PAX5: variants seen among roughly 807,000 people sequenced by gnomAD.
The protein encoded by PAX5 is paired box 5, also known as paired box protein Pax-5.
In PAX5, 9 loss-of-function variants were observed where a neutral mutation model predicts 43.7. That is an observed-to-expected ratio of 0.21 (90% confidence interval 0.12 to 0.36). The LOEUF (loss-of-function observed/expected upper bound fraction) is 0.36. Among genes scored for constraint, PAX5 ranks in the 10% least tolerant of loss-of-function variants. The probability of loss-of-function intolerance (pLI) is 1.00; values close to 1 mark genes in which losing one functional copy is unlikely to be tolerated. For missense variants in PAX5, 383 were observed against 532.7 expected, an observed-to-expected ratio of 0.72 and a Z score of 2.77; for synonymous variants, 228 against 214.3, an observed-to-expected ratio of 1.06 and a Z score of -0.56.
intron 5 of PAX5, among the ~76,000 whole-genome samples, chr9:36,982,852 A>G (rs938187362): frequency 2.2e-4 from 33 of 152,168 alleles, no homozygotes; most frequent in Non-Finnish European, 1.5e-4. Flanking sequence ...ACTCCACAGA[A>G]CTTCCCAAAA....
chr9:37,001,099 C>T (rs1286717549), intron 5 of PAX5, among the ~76,000 whole-genome samples: 1 of 152,208 alleles, frequency 6.6e-6, no homozygotes, highest in Non-Finnish European at 1.5e-5. Context: ...ACCAACACCA[C>T]CCACATTCTG....
chr9:36,880,508 A>G (rs4298573), intron 8 of PAX5, among the ~76,000 whole-genome samples: 127,040 of 152,330 alleles, frequency 0.83, 53,074 homozygotes, highest in Admixed American at 0.88. Flanking sequence ...CAGCAGGGCT[A>G]AAGTGGGGCC....
intron 8 of PAX5, among the ~76,000 whole-genome samples, chr9:36,854,611 C>T (rs1363209248): frequency 6.6e-6 from 1 of 152,160 alleles, no homozygotes; most frequent in African/African-American, 2.4e-5. Flanking sequence ...TCACTGCACC[C>T]ACGCCAAGCC....
intron 5 of PAX5, among the ~76,000 whole-genome samples, chr9:36,970,292 G>A (rs930503609): frequency 6.6e-6 from 1 of 152,162 alleles, no homozygotes; most frequent in African/African-American, 2.4e-5. Context: ...GAGGGGATGG[G>A]GCAGAGAGGG....
chr9:37,024,578 G>C (rs1840137395), intron 1 of PAX5, among the ~76,000 whole-genome samples: 1 of 152,194 alleles, frequency 6.6e-6, no homozygotes, highest in Non-Finnish European at 1.5e-5. Context: ...CCTCAGAACC[G>C]AGAGTGCTTC....
In PAX5 at chr9:36,874,667, A is replaced by G. The variant is rs534127007; in HGVS notation, c.1012+7337T>C. ...CTGCCTCTCTGTTTTCTGCAGACCC[A>G]CTGTATTCGGAGACTGCCTGACTCC... On this transcript the variant is annotated intron_variant, in intron 8 of 9. Coordinates refer to ENST00000358127, the MANE Select transcript of PAX5 (RefSeq NM_016734.3). Among the ~76,000 whole-genome samples, 3 of 152,076 alleles carry G rather than the reference A, an allele frequency of 2.0e-5. No homozygotes were observed. In the East Asian group the frequency reaches 5.8e-4, roughly 29 times the overall value.
At position 36,923,436 on chromosome 9, in the gene PAX5, T is replaced by G. The variant is rs758672654; in HGVS notation, c.829A>C (p.Met277Leu). Reference protein sequence around the residue: ...MASLAGGLDDMKANLASPTPA... With the variant: ...MASLAGGLDDLKANLASPTPA... ...GTGGGGCTGGCCAGATTGGCCTTCATGTCGTCCAGCCCACCAGCCAGCGAG... is the reference window on the plus strand; with the variant it reads ...GTGGGGCTGGCCAGATTGGCCTTCAGGTCGTCCAGCCCACCAGCCAGCGAG... Residue 277 changes from methionine to leucine, a missense_variant, in exon 7 of 10, where the codon ATG (methionine) becomes CTG (leucine). By Grantham distance (15) the Met-to-Leu change is conservative (BLOSUM62 2). Coordinates refer to ENST00000358127, the MANE Select transcript of PAX5 (RefSeq NM_016734.3). 5 of 1,612,818 alleles carry G rather than the reference T, an allele frequency of 3.1e-6. No homozygotes were observed. In the East Asian group the frequency reaches 6.7e-5, roughly 22 times the overall value.
rs372487875 is a variant in PAX5, at chr9:36,858,883, G to A, written c.1013-11954C>T. 1.5e-4 allele frequency among the ~76,000 whole-genome samples: 23 copies of A among 152,266 alleles called. No homozygotes were observed. The South Asian group carries it at 4.4e-3, about 29-fold the overall frequency. On this transcript the variant is annotated intron_variant, in intron 8 of 9. Coordinates refer to ENST00000358127, the MANE Select transcript of PAX5 (RefSeq NM_016734.3). Reference sequence around the variant, plus strand: ...CTCAGCGCTGAGGCCTGAATGTCCCGCCGCTGACTAATGAGACGGAGGGTG... The same window carrying A: ...CTCAGCGCTGAGGCCTGAATGTCCCACCGCTGACTAATGAGACGGAGGGTG...
intron 1 of PAX5, among the ~76,000 whole-genome samples, chr9:37,023,804 AG>A (rs1427655699): frequency 6.6e-6 from 1 of 152,322 alleles, no homozygotes; most frequent in Admixed American, 6.5e-5. Flanking sequence ...GAAAGAATGA[AG>A]GGGTACACAG....
intron 8 of PAX5, among the ~76,000 whole-genome samples, chr9:36,854,123 G>A (rs1282282121): frequency 6.6e-6 from 1 of 152,250 alleles, no homozygotes; most frequent in Non-Finnish European, 1.5e-5. Flanking sequence ...CAGAGGAGGA[G>A]GAGGAAGAAA....
chr9:36,929,367 G>A (rs1830945505), intron 6 of PAX5, among the ~76,000 whole-genome samples: 1 of 152,148 alleles, frequency 6.6e-6, no homozygotes, highest in South Asian at 2.1e-4. Context: ...GGTAACAACG[G>A]CATTCTACTT....
chr9:36,978,957 T>A (rs991487554), intron 5 of PAX5, among the ~76,000 whole-genome samples: 5 of 152,186 alleles, frequency 3.3e-5, no homozygotes, highest in African/African-American at 1.2e-4. Context: ...GATTGACCAA[T>A]TTCACAAGCA....
chr9:36,996,711 G>T (rs1269502473), intron 5 of PAX5, among the ~76,000 whole-genome samples: 1 of 152,232 alleles, frequency 6.6e-6, no homozygotes, highest in East Asian at 1.9e-4. Flanking sequence ...CCCCAGCACG[G>T]TCTGTGAGCT....
intron 5 of PAX5, among the ~76,000 whole-genome samples, chr9:36,981,440 AAAAAAAAC>A (rs1240817604): frequency 4.0e-5 from 6 of 150,424 alleles, no homozygotes; most frequent in South Asian, 2.1e-4. Context: ...CTGGCAAAAA[AAAAAAAAC>A]AAAAAACAGG....
rs537048154 is a variant in PAX5, at chr9:37,034,217, G to T, written c.-186C>A. ...GCTGATCACTGAGCTGAAACTAAAC[G>T]TTTTAGGTGGAAAAAAAGCGTCCGA... On this transcript the variant is annotated 5_prime_UTR_variant, in exon 1 of 10. Transcript: ENST00000358127. The T allele has an allele frequency of 5.3e-6, 3 of 568,562 alleles. No homozygotes were observed. Among genetic ancestry groups the T allele is most frequent in the Non-Finnish European group, 9.1e-6 (3 of 328,594 alleles). 35.2% of individuals were successfully genotyped at this position (568,562 alleles called of 1,614,324 possible).
At chr9:36,857,107 A>C (rs988704588) in intron 8 of PAX5, among the ~76,000 whole-genome samples, 1 of 152,178 alleles carries the variant, frequency 6.6e-6, no homozygotes, top group African/African-American at 2.4e-5. Context: ...GTCTAGCCTC[A>C]ACTGGGTTTG....
intron 6 of PAX5, among the ~76,000 whole-genome samples, chr9:36,928,663 C>T (rs546390092): frequency 6.6e-6 from 1 of 152,270 alleles, no homozygotes; most frequent in South Asian, 2.1e-4. Context: ...CTAACATCCC[C>T]TTCCCTCCTT....
In PAX5 at chr9:36,835,109, CA is replaced by C. The variant is rs1439897672; in HGVS notation, c.*5450del. ...CCCTCAGTAGATATTAATAGGTAAG[CA>C]GCTGCATTTTCTCCTTGTGTTGCTC... On this transcript the variant is annotated 3_prime_UTR_variant, in exon 10 of 10. Transcript: ENST00000358127. The C allele has an allele frequency of 2.6e-5, 6 of 233,198 alleles. No individual in the cohort carries two copies. Among genetic ancestry groups the C allele is most frequent in the African/African-American group, 1.3e-4 (6 of 45,342 alleles). The allele number at this position is 233,198 out of a possible 1,614,324, so 14.4% of individuals were successfully genotyped here.
At chr9:36,951,136 AG>A (rs527289774) in intron 6 of PAX5, among the ~76,000 whole-genome samples, 8 of 152,304 alleles carry the variant, frequency 5.3e-5, no homozygotes, top group East Asian at 3.9e-4. Context: ...TGGTGTAAGT[AG>A]GGGGCAGGAT....
Sources: gnomAD v4.1 joint callset for allele counts (sites outside exome capture counted in the v4.1 genomes callset) on GRCh38, gnomAD v4.1.1 for gene constraint, MANE v1.5 for transcripts, NCBI Gene and HGNC (gene_info 2026-07-23, HGNC 2026-07-21) for gene names.